The following CCDC69 variants were observed in gnomAD, a reference collection of about 807,000 sequenced individuals.
CCDC69 encodes coiled-coil domain-containing protein 69.
In CCDC69, 38 loss-of-function variants were observed where a neutral mutation model predicts 40.3. That is an observed-to-expected ratio of 0.94 (90% CI 0.73 to 1.24). CCDC69 has a LOEUF of 1.24. Ranked by LOEUF, CCDC69 falls within the 50% of genes most tolerant of loss-of-function variation. The probability of loss-of-function intolerance (pLI) is 0.00; values close to 1 mark genes in which losing one functional copy is unlikely to be tolerated. For missense variants in CCDC69, 389 were observed against 357.9 expected, an observed-to-expected ratio of 1.09 and a Z score of -0.70; for synonymous variants, 141 against 138.9, an observed-to-expected ratio of 1.02 and a Z score of -0.11.
At chr5:151,201,456 C>T in intron 3 of CCDC69, 126 bp downstream of exon 3, 1 of 617,618 alleles carries the variant, frequency 1.6e-6, no homozygotes, top group Non-Finnish European at 2.9e-6. Context: ...AAAGGACTCC[C>T]TTCCTGGTAA....
chr5:151,210,098 T>A (rs1318310287), intron 1 of CCDC69, among the ~76,000 whole-genome samples: 1 of 152,218 alleles, frequency 6.6e-6, no homozygotes, highest in Non-Finnish European at 1.5e-5. Flanking sequence ...TTCAAATATA[T>A]TACGAGCACT....
In CCDC69 at chr5:151,201,545, C is replaced by A. The variant is rs1427695465; in HGVS notation, c.231+37G>T. On this transcript the variant is annotated intron_variant, in intron 3 of 8. Coordinates refer to ENST00000355417, the MANE Select transcript of CCDC69 (RefSeq NM_015621.3). The stretch of plus-strand genomic sequence containing the variant: ...CTGGGATTCACCAAAGTTAGCTGAG[C>A]AGGAGAAAGACAGGGGGTGGGGGCA... 3 of 1,410,358 alleles carry A rather than the reference C, an allele frequency of 2.1e-6. No homozygotes were observed. In the South Asian group the frequency reaches 3.5e-5, roughly 17 times the overall value. The allele number at this position is 1,410,358 out of a possible 1,614,324, so 87.4% of individuals were successfully genotyped here. A position where few individuals can be genotyped will look rare whatever the true frequency, so the allele number is the denominator to read the frequency against.
chr5:151,190,516 A>T (rs1752594303), intron 4 of CCDC69, among the ~76,000 whole-genome samples: 2 of 152,036 alleles, frequency 1.3e-5, no homozygotes, highest in South Asian at 4.1e-4. Context: ...AAATACAAAA[A>T]TTGGCTGGGC....
chr5:151,188,156 C>T (rs1477460200), intron 4 of CCDC69, among the ~76,000 whole-genome samples: 1 of 152,186 alleles, frequency 6.6e-6, no homozygotes, highest in Admixed American at 6.5e-5. Flanking sequence ...CATCCCATCT[C>T]CTTCATAAAG....
chr5:151,186,787 T>C (rs1318548251), intron 5 of CCDC69, among the ~76,000 whole-genome samples: 14 of 152,140 alleles, frequency 9.2e-5, no homozygotes, highest in African/African-American at 3.4e-4. Context: ...CACAACCCCT[T>C]AAGGTGGCTC....
intron 6 of CCDC69, 97 bp downstream of exon 6, chr5:151,185,926 A>G: frequency 1.2e-6 from 1 of 818,868 alleles, no homozygotes; most frequent in Non-Finnish European, 2.1e-6. Context: ...GCCAGGTCTG[A>G]GTCTTGTCCT....
chr5:151,186,836 T>C (rs1752526974), intron 5 of CCDC69, among the ~76,000 whole-genome samples: 1 of 152,186 alleles, frequency 6.6e-6, no homozygotes, highest in Non-Finnish European at 1.5e-5. Context: ...GTTCTTAGCC[T>C]TAGTCCCCTC....
chr5:151,218,886 T>C (rs1243479137), intron 1 of CCDC69, among the ~76,000 whole-genome samples: 1 of 152,200 alleles, frequency 6.6e-6, no homozygotes, highest in African/African-American at 2.4e-5. Context: ...ATTAAAAACA[T>C]GTACATGTGC....
chr5:151,188,612 G>A (rs554275), intron 4 of CCDC69, among the ~76,000 whole-genome samples: 93,347 of 149,982 alleles, frequency 0.62, 29,547 homozygotes, highest in Admixed American at 0.75. Flanking sequence ...AAAAAAAAAA[G>A]AAGAAAAAAA....
At chr5:151,185,679 T>C in intron 6 of CCDC69, 138 bp from the exon 7 acceptor site, 1 of 841,206 alleles carries the variant, frequency 1.2e-6, no homozygotes, top group Non-Finnish European at 1.9e-6. Context: ...ATATGCTTTA[T>C]CTCCCTGTAT....
chr5:151,193,085 C>T (rs755737899), intron 4 of CCDC69, among the ~76,000 whole-genome samples: 4 of 151,922 alleles, frequency 2.6e-5, no homozygotes, highest in Non-Finnish European at 5.9e-5. Flanking sequence ...AAATAATACG[C>T]CATTTTATAT....
At chr5:151,223,114 C>T (rs1753158549) in intron 1 of CCDC69, among the ~76,000 whole-genome samples, 1 of 152,138 alleles carries the variant, frequency 6.6e-6, no homozygotes, top group South Asian at 2.1e-4. Context: ...TCACAGTGTC[C>T]CCTGAGGAGG....
intron 8 of CCDC69, 57 bp downstream of exon 8, chr5:151,184,287 T>C (rs1294627892): frequency 9.0e-6 from 12 of 1,328,406 alleles, no homozygotes; most frequent in African/African-American, 1.4e-5. Flanking sequence ...CTCTCCCAGC[T>C]GGGAATTTTG....
In CCDC69 at chr5:151,182,871, T is replaced by G; in HGVS notation, c.*566A>C. The G allele has an allele frequency of 2.8e-6, 1 of 359,736 alleles. No homozygotes were observed. The highest frequency in any genetic ancestry group is 2.1e-5 in the African/African-American group (1 of 46,946). The allele number at this position is 359,736 out of a possible 1,614,324, so 22.3% of individuals were successfully genotyped here. ...CTACCACTCACCTTCCCCACTCTGA[T>G]TTGCGGGGTTTGTCCACACTCCCCC... On this transcript the variant is annotated 3_prime_UTR_variant, in exon 9 of 9. Coordinates refer to ENST00000355417, the MANE Select transcript of CCDC69 (RefSeq NM_015621.3).
intron 4 of CCDC69, among the ~76,000 whole-genome samples, chr5:151,190,438 G>A (rs920355510): frequency 6.6e-6 from 1 of 152,086 alleles, no homozygotes; most frequent in Non-Finnish European, 1.5e-5. Context: ...GGCCAAGGTG[G>A]GTGGATCATC....
In CCDC69 at chr5:151,184,761, T is replaced by C. The variant is rs554562757; in HGVS notation, c.616-320A>G. 6 of 200,556 alleles carry C rather than the reference T, an allele frequency of 3.0e-5. No individual in the cohort carries two copies. The East Asian group carries it at 7.1e-4, about 24-fold the overall frequency. The allele number at this position is 200,556 out of a possible 1,614,324, so 12.4% of individuals were successfully genotyped here. On this transcript the variant is annotated intron_variant, in intron 7 of 8. Transcript: ENST00000355417. ...ATCTATATAAATAAAATTAAGTTTG[T>C]CTGTTATGTGTTTCCACAAAAATGA...
rs926506165 is a variant in CCDC69 at position 151,203,576 on chromosome 5, T to C, written c.124+1824A>G. Among the ~76,000 whole-genome samples the C allele has an allele frequency of 2.3e-4, 33 of 143,114 alleles. No homozygotes were observed. The East Asian group carries it at 6.6e-3, about 28-fold the overall frequency. The allele number at this position is 143,114 out of a possible 152,430, so 93.9% of individuals were successfully genotyped here. The stretch of plus-strand genomic sequence containing the variant: ...TTAGTAAATATACATATTTAATATA[T>C]AGTAAATATATATATTTATATATTA... On this transcript the variant is annotated intron_variant, in intron 2 of 8. Transcript: ENST00000355417.
At chr5:151,187,925 C>A (rs367066) in intron 4 of CCDC69, among the ~76,000 whole-genome samples, 96,579 of 152,034 alleles carry the variant, frequency 0.64, 31,308 homozygotes, top group Admixed American at 0.76. Flanking sequence ...CTGGTCCTGG[C>A]TCTGCCTTTC....
At position 151,183,517 on chromosome 5, in the gene CCDC69, G is replaced by T. The variant is rs768932630; in HGVS notation, c.811C>A (p.Arg271=). Residue 271 remains arginine, a synonymous_variant, in exon 9 of 9, where the codon CGG becomes AGG. Transcript: ENST00000355417. ...LQQEKEELLY[R]VLGANASPAF... The stretch of plus-strand genomic sequence containing the variant: ...GGCGAGGCATTGGCCCCAAGGACCC[G>T]GTACAACAGCTCCTCCTTCTCCTGC... The T allele has an allele frequency of 6.2e-7, 1 of 1,609,074 alleles. No homozygotes were observed.
Sources: allele counts gnomAD v4.1 joint callset (sites outside exome capture counted in the v4.1 genomes callset), GRCh38; gene constraint gnomAD v4.1.1; transcripts MANE v1.5; gene names NCBI Gene and HGNC (gene_info 2026-07-23, HGNC 2026-07-21).